The following SFMBT1 variants were observed in gnomAD, a reference collection of about 807,000 sequenced individuals.
SFMBT1 encodes the protein Scm like with four mbt domains 1, also known as scm-like with four MBT domains protein 1.
In SFMBT1, 32 loss-of-function variants were observed where a neutral mutation model predicts 108.7. The observed-to-expected ratio is 0.29, with a 90% confidence interval of 0.22 to 0.40. The LOEUF is 0.40. SFMBT1 is among the 10% of genes least tolerant of loss of function. SFMBT1 has a pLI of 1.00. For synonymous variants in SFMBT1, 348 were observed against 369.5 expected, an observed-to-expected ratio of 0.94 and a Z score of 0.67; for missense variants, 816 against 1,059.6, an observed-to-expected ratio of 0.77 and a Z score of 3.19.
intron 1 of SFMBT1, among the ~76,000 whole-genome samples, chr3:53,034,224 C>T (rs968428747): frequency 6.6e-6 from 1 of 152,082 alleles, no homozygotes; most frequent in Non-Finnish European, 1.5e-5. Context: ...TGCATTTTGA[C>T]ATTTTTAAAA....
At chr3:53,026,929 C>T (rs537233971) in intron 1 of SFMBT1, among the ~76,000 whole-genome samples, 15 of 152,166 alleles carry the variant, frequency 9.9e-5, no homozygotes, top group East Asian at 3.9e-4. Flanking sequence ...ACTACACAAT[C>T]GTGCCACCGC....
chr3:52,918,710 T>C (rs1253192622), intron 12 of SFMBT1, among the ~76,000 whole-genome samples, 184 bp from the exon 13 acceptor site: 2 of 152,084 alleles, frequency 1.3e-5, no homozygotes, highest in Admixed American at 6.6e-5. Context: ...TGCTTATGTC[T>C]GAATATCTAG....
chr3:52,966,556 C>T (rs1704155542), intron 2 of SFMBT1, among the ~76,000 whole-genome samples: 1 of 129,920 alleles, frequency 7.7e-6, no homozygotes, highest in South Asian at 2.6e-4. Flanking sequence ...ACCCAGGAGG[C>T]GGAGCTTGCA....
At chr3:52,998,209 G>A (rs1397387517) in intron 1 of SFMBT1, among the ~76,000 whole-genome samples, 1 of 149,902 alleles carries the variant, frequency 6.7e-6, no homozygotes, top group African/African-American at 2.4e-5. Flanking sequence ...AGGCCAACAC[G>A]GAGAAACCCC....
chr3:52,994,686 G>A (rs1310190452), intron 1 of SFMBT1, among the ~76,000 whole-genome samples: 2 of 150,112 alleles, frequency 1.3e-5, no homozygotes, highest in Non-Finnish European at 3.0e-5. Flanking sequence ...TTTTAGTAGA[G>A]ATGGGGTTTC....
At chr3:52,907,911 C>A (rs1702113179) in intron 17 of SFMBT1, among the ~76,000 whole-genome samples, 178 bp from the exon 18 acceptor site, 1 of 151,996 alleles carries the variant, frequency 6.6e-6, no homozygotes. Context: ...CTGAATGATC[C>A]CTCCATATCA....
intron 1 of SFMBT1, among the ~76,000 whole-genome samples, chr3:52,975,471 T>A (rs1244460109): frequency 6.6e-6 from 1 of 152,164 alleles, no homozygotes; most frequent in Non-Finnish European, 1.5e-5. Context: ...GGAGGATAGC[T>A]TGAGCCCAGG....
chr3:52,943,204 T>C (rs891565529), intron 4 of SFMBT1, 149 bp downstream of exon 4: 16 of 923,660 alleles, frequency 1.7e-5, no homozygotes, highest in East Asian at 2.5e-5. Context: ...ATGTGTATTA[T>C]TCCTTATAAA....
At chr3:52,951,931 C>T (rs1452268607) in intron 3 of SFMBT1, among the ~76,000 whole-genome samples, 1 of 152,094 alleles carries the variant, frequency 6.6e-6, no homozygotes, top group African/African-American at 2.4e-5. Flanking sequence ...GGGCTTGCTC[C>T]CAACAATGCA....
chr3:52,934,743 A>G, intron 5 of SFMBT1, 70 bp downstream of exon 5: 5 of 1,312,352 alleles, frequency 3.8e-6, no homozygotes, highest in Non-Finnish European at 5.3e-6. Context: ...GTAAATAAGC[A>G]ACCGATTTTA....
chr3:53,004,564 G>C (rs574184919), intron 1 of SFMBT1, among the ~76,000 whole-genome samples: 1 of 149,880 alleles, frequency 6.7e-6, no homozygotes, highest in Admixed American at 6.8e-5. Flanking sequence ...GAGCCACCAC[G>C]CCTGGCCATT....
chr3:53,040,982 T>TTTTTTTTTTTTTTTTC (rs1700029902), intron 1 of SFMBT1, among the ~76,000 whole-genome samples: 1 of 112,134 alleles, frequency 8.9e-6, no homozygotes, highest in Non-Finnish European at 1.8e-5. Flanking sequence ...TTTTTTTTTT[T>TTTTTTTTTTTTTTTTC]TTTTTTTTTT....
chr3:52,958,338 C>G, intron 2 of SFMBT1, among the ~76,000 whole-genome samples: 1 of 152,226 alleles, frequency 6.6e-6, no homozygotes, highest in African/African-American at 2.4e-5. Context: ...TGCCTGTAAT[C>G]CCAGCACTTT....
chr3:53,025,425 T>TTG (rs1459326096), intron 1 of SFMBT1, among the ~76,000 whole-genome samples: 2 of 152,104 alleles, frequency 1.3e-5, no homozygotes, highest in Non-Finnish European at 1.5e-5. Context: ...CTGGGCAATG[T>TTG]TGGGAGACTT....
intron 1 of SFMBT1, among the ~76,000 whole-genome samples, chr3:52,984,072 G>C (rs1238896109): frequency 6.6e-6 from 1 of 152,176 alleles, no homozygotes; most frequent in Non-Finnish European, 1.5e-5. Context: ...TGGTGTATGA[G>C]AGAAAGAGCA....
intron 4 of SFMBT1, among the ~76,000 whole-genome samples, chr3:52,937,827 C>T (rs534371683): frequency 6.6e-6 from 1 of 151,940 alleles, no homozygotes; most frequent in Non-Finnish European, 1.5e-5. Flanking sequence ...GTGATCCACC[C>T]GCCTCGGCCT....
chr3:52,966,950 T>TTATATATATATATATATATATATATATA (rs374164813), intron 2 of SFMBT1, among the ~76,000 whole-genome samples: 9 of 146,732 alleles, frequency 6.1e-5, no homozygotes, highest in South Asian at 2.1e-4. Flanking sequence ...TTGTGATAAG[T>TTATATATATATATATATATATATATATA]TATATATATA....
intron 1 of SFMBT1, among the ~76,000 whole-genome samples, chr3:53,016,008 A>G (rs1699112374): frequency 6.6e-6 from 1 of 152,204 alleles, no homozygotes; most frequent in South Asian, 2.1e-4. Flanking sequence ...GCAGTAGGGA[A>G]GACTTATTTC....
chr3:52,978,329 G>A (rs1284048097), intron 1 of SFMBT1, among the ~76,000 whole-genome samples: 1 of 152,138 alleles, frequency 6.6e-6, no homozygotes. Context: ...GGAGGCCAGG[G>A]TAGTTGGTGC....
Sources: gnomAD v4.1 joint callset for allele counts (sites outside exome capture counted in the v4.1 genomes callset) on GRCh38, gnomAD v4.1.1 for gene constraint, MANE v1.5 for transcripts, NCBI Gene and HGNC (gene_info 2026-07-23, HGNC 2026-07-21) for gene names.